Variants in SLC5A4 observed in about 807,000 individuals in gnomAD.
The protein encoded by SLC5A4 is probable glucose sensor protein SLC5A4.
SLC5A4 carries 55 observed loss-of-function variants against 70.3 expected under a neutral mutation model. That is an observed-to-expected ratio of 0.78 (90% CI 0.63 to 0.98). SLC5A4 has a LOEUF of 0.98. Ranked by LOEUF, SLC5A4 falls within the 50% of genes least tolerant of loss-of-function variation. SLC5A4 has a pLI of 0.00. For missense variants in SLC5A4, 735 were observed against 839.2 expected (o/e 0.88, Z 1.53); for synonymous variants, 268 against 305.7 (o/e 0.88, Z 1.29).
At chr22:32,332,934 GC>G in the SLC5A4 span, among the ~76,000 whole-genome samples, 2 of 152,098 alleles carry the variant, frequency 1.3e-5, no homozygotes, top group Non-Finnish European at 2.9e-5. Flanking sequence ...TTTCTCCTTT[GC>G]CTCCTGCTAT....
At chr22:32,337,512 C>A in the SLC5A4 span, among the ~76,000 whole-genome samples, 1 of 151,758 alleles carries the variant, frequency 6.6e-6, no homozygotes, top group Admixed American at 6.6e-5. Context: ...CCAGCCTGGG[C>A]AACAGAACAA....
the SLC5A4 span, among the ~76,000 whole-genome samples, chr22:32,290,098 T>G: frequency 2.6e-5 from 4 of 152,066 alleles, no homozygotes; most frequent in African/African-American, 9.7e-5. Flanking sequence ...TACTTTTATT[T>G]TACTTTAAGT....
At chr22:32,330,018 GTC>G in the SLC5A4 span, among the ~76,000 whole-genome samples, 2 of 11,284 alleles carry the variant, frequency 1.8e-4, no homozygotes, top group Non-Finnish European at 3.4e-4. Context: ...GGGCTCTGGT[GTC>G]TGTGTGTTGG....
chr22:32,267,703 A>C, the SLC5A4 span, among the ~76,000 whole-genome samples: 2 of 152,292 alleles, frequency 1.3e-5, no homozygotes, highest in South Asian at 4.1e-4. Flanking sequence ...ACATTTTCCA[A>C]ATCCATTATG....
In SLC5A4 at chr22:32,243,935, G is replaced by T. The variant is rs189661213; in HGVS notation, c.477+3476C>A. Among the ~76,000 whole-genome samples, 391 of 152,290 alleles carry T rather than the reference G, an allele frequency of 2.6e-3. 1 individual carries two copies. Among genetic ancestry groups the T allele is most frequent in the African/African-American group, 9.2e-3 (382 of 41,552 alleles). Reference sequence around the variant, plus strand: ...ACCTGGGAGGCAGAGGTTGCAGTGAGCTGAGATTGTGCCACTGCACTCCAG... The same window carrying T: ...ACCTGGGAGGCAGAGGTTGCAGTGATCTGAGATTGTGCCACTGCACTCCAG... On this transcript the variant is annotated intron_variant, in intron 5 of 14. Transcript: ENST00000266086.
the SLC5A4 span, among the ~76,000 whole-genome samples, chr22:32,268,923 G>A: frequency 6.6e-6 from 1 of 152,308 alleles, no homozygotes; most frequent in South Asian, 2.1e-4. Flanking sequence ...TTGAGACAGA[G>A]TTTCGCTCTT....
the SLC5A4 span, among the ~76,000 whole-genome samples, chr22:32,342,169 G>A: frequency 2.4e-4 from 37 of 152,130 alleles, no homozygotes; most frequent in Admixed American, 1.2e-3. Flanking sequence ...AATGGCTAAT[G>A]CTACACATTA....
chr22:32,310,413 C>T, the SLC5A4 span, among the ~76,000 whole-genome samples: 1 of 152,198 alleles, frequency 6.6e-6, no homozygotes, highest in Non-Finnish European at 1.5e-5. Flanking sequence ...CACCCCAAGG[C>T]TTCCTCTGCC....
At chr22:32,288,866 ATTTT>A in the SLC5A4 span, among the ~76,000 whole-genome samples, 1 of 152,154 alleles carries the variant, frequency 6.6e-6, no homozygotes, top group African/African-American at 2.4e-5. Context: ...ATGTTAGATT[ATTTT>A]AGGTTTTCTA....
At chr22:32,223,903 G>A (rs1248720576) in intron 13 of SLC5A4, among the ~76,000 whole-genome samples, 2 of 152,076 alleles carry the variant, frequency 1.3e-5, no homozygotes, top group African/African-American at 2.4e-5. Flanking sequence ...ACTCATACAT[G>A]CATACAATAA....
chr22:32,289,459 A>T, the SLC5A4 span, among the ~76,000 whole-genome samples: 1 of 152,136 alleles, frequency 6.6e-6, no homozygotes, highest in Non-Finnish European at 1.5e-5. Flanking sequence ...TGATGGTTTT[A>T]TAAGGGGCTG....
chr22:32,260,902 G>A, the SLC5A4 span, among the ~76,000 whole-genome samples: 2 of 152,094 alleles, frequency 1.3e-5, no homozygotes, highest in African/African-American at 2.4e-5. Flanking sequence ...GTGAAACCCC[G>A]TCTCTGCTAA....
At chr22:32,239,806 C>T (rs911555386) in intron 5 of SLC5A4, among the ~76,000 whole-genome samples, 8 of 148,290 alleles carry the variant, frequency 5.4e-5, no homozygotes, top group Non-Finnish European at 8.9e-5. Context: ...AGGTGGATCA[C>T]GAGGTCAGGA....
intron 5 of SLC5A4, among the ~76,000 whole-genome samples, chr22:32,243,785 GAGCCCAGCCT>G (rs1161922706): frequency 1.3e-5 from 2 of 152,182 alleles, no homozygotes; most frequent in Non-Finnish European, 2.9e-5. Flanking sequence ...TCAGGAGTTT[GAGCCCAGCCT>G]AGCCAACATG....
the SLC5A4 span, among the ~76,000 whole-genome samples, chr22:32,306,475 A>AAC: frequency 6.6e-6 from 1 of 150,522 alleles, no homozygotes; most frequent in African/African-American, 2.4e-5. Context: ...CAAAAAAAAA[A>AAC]AACAAAAACT....
rs747178458 is a variant in SLC5A4 at position 32,229,274 on chromosome 22, G to A, written c.1200C>T (p.Ser400=). The change falls in exon 11 of 15, where the codon AGC becomes AGT. Residue 400 remains serine, a synonymous_variant. Coordinates refer to ENST00000266086, the MANE Select transcript of SLC5A4 (RefSeq NM_014227.3). ...LMSSLTSIFN[S]ASTLFTIDLY... The stretch of plus-strand genomic sequence containing the variant: ...GGTCAATGGTGAAGAGGGTGCTGGC[G>A]CTGTTGAAGATGGAGGTCAGGGAGC... 4.2e-5 allele frequency: 67 copies of A among 1,613,944 alleles called. No individual in the cohort carries two copies. Among genetic ancestry groups the A allele is most frequent in the Middle Eastern group, 1.6e-4 (1 of 6,082 alleles).
the SLC5A4 span, among the ~76,000 whole-genome samples, chr22:32,337,237 G>A: frequency 6.6e-6 from 1 of 152,318 alleles, no homozygotes; most frequent in African/African-American, 2.4e-5. Flanking sequence ...GAAACATTAG[G>A]TTGCTGTTTT....
chr22:32,328,269 T>C, the SLC5A4 span, among the ~76,000 whole-genome samples: 1 of 152,050 alleles, frequency 6.6e-6, no homozygotes, highest in Non-Finnish European at 1.5e-5. Flanking sequence ...TAAGACAGCC[T>C]CCAAAGAATC....
chr22:32,292,083 T>TAA, the SLC5A4 span, among the ~76,000 whole-genome samples: 3 of 137,926 alleles, frequency 2.2e-5, no homozygotes, highest in Non-Finnish European at 3.0e-5. Context: ...TATATATATA[T>TAA]AACATATATA....
Sources: gnomAD v4.1 joint callset for allele counts (sites outside exome capture counted in the v4.1 genomes callset) on GRCh38, gnomAD v4.1.1 for gene constraint, MANE v1.5 for transcripts, NCBI Gene and HGNC (gene_info 2026-07-23, HGNC 2026-07-21) for gene names.